APBB2: variants seen among roughly 807,000 people sequenced by gnomAD.
APBB2 encodes Fe65-like 1.
A neutral mutation model predicts 82.5 loss-of-function variants in APBB2; 38 were observed. The observed-to-expected ratio is 0.46, with a 90% CI of 0.36 to 0.60. The LOEUF is 0.60. Among genes scored for constraint, APBB2 ranks in the 20% least tolerant of loss-of-function variants. The pLI, the probability that APBB2 is intolerant of heterozygous loss-of-function variation, is 0.00. For missense variants in APBB2, 772 were observed against 972.3 expected (o/e 0.79, Z 2.74); for synonymous variants, 341 against 368.2 (o/e 0.93, Z 0.85).
At chr4:40,968,736 C>T (rs191685983) in intron 6 of APBB2, among the ~76,000 whole-genome samples, 48 of 152,294 alleles carry the variant, frequency 3.2e-4, no homozygotes, top group African/African-American at 1.1e-3. Flanking sequence ...CTTGTTCATT[C>T]TTCAAGGGTC....
chr4:41,160,169 G>C (rs1321894273), intron 1 of APBB2, among the ~76,000 whole-genome samples: 2 of 152,142 alleles, frequency 1.3e-5, no homozygotes, highest in Non-Finnish European at 2.9e-5. Context: ...GGGCAAGCTG[G>C]CTGTAAGGAA....
At chr4:40,932,172 C>T (rs1578535259) in intron 10 of APBB2, among the ~76,000 whole-genome samples, 1 of 152,280 alleles carries the variant, frequency 6.6e-6, no homozygotes, top group African/African-American at 2.4e-5. Context: ...GCTCCACATA[C>T]ATCACTGCCC....
intron 6 of APBB2, among the ~76,000 whole-genome samples, chr4:40,957,135 C>A (rs1005042540): frequency 6.6e-6 from 1 of 152,208 alleles, no homozygotes; most frequent in Non-Finnish European, 1.5e-5. Flanking sequence ...AAAGGCGGCG[C>A]AAAGCCGGGC....
chr4:41,049,348 G>A (rs1166481920), intron 4 of APBB2, among the ~76,000 whole-genome samples: 1 of 148,488 alleles, frequency 6.7e-6, no homozygotes, highest in Non-Finnish European at 1.5e-5. Context: ...GTCTCCGACC[G>A]GCAGCCGCCC....
At chr4:40,964,988 C>A (rs1035323612) in intron 6 of APBB2, among the ~76,000 whole-genome samples, 1 of 152,040 alleles carries the variant, frequency 6.6e-6, no homozygotes, top group East Asian at 1.9e-4. Context: ...GGCGTGGTGG[C>A]ACGTGCCTGT....
At chr4:41,136,185 C>G (rs578020888) in intron 2 of APBB2, among the ~76,000 whole-genome samples, 1 of 152,316 alleles carries the variant, frequency 6.6e-6, no homozygotes, top group South Asian at 2.1e-4. Flanking sequence ...AGAGGTTACT[C>G]TAACCCAGCC....
chr4:41,197,993 T>A, intron 1 of APBB2, among the ~76,000 whole-genome samples: 1 of 152,228 alleles, frequency 6.6e-6, no homozygotes, highest in African/African-American at 2.4e-5. Flanking sequence ...GTACTTTAAG[T>A]ATTTTAACTC....
chr4:41,013,927 T>C lies in APBB2; in HGVS notation c.491A>G (p.Tyr164Cys), dbSNP rs750159064. 1.2e-6 allele frequency: 2 copies of C among 1,614,202 alleles called. No individual in the cohort carries two copies. The highest frequency in any genetic ancestry group is 1.1e-5 in the South Asian group (1 of 91,086). The change falls in exon 6 of 18, where the codon TAC (tyrosine) becomes TGC (cysteine). Residue 164 changes from tyrosine to cysteine, a missense_variant. Tyr to Cys is a radical substitution (Grantham distance 194). Coordinates refer to ENST00000508593, the MANE Select transcript of APBB2 (RefSeq NM_004307.2). ...GGCTGAGGTTTCCAGATCTGCATAG[T>C]AATTTAGGAAGCTCTTAGTTCTCCT... ...QPRRTKSFLN[Y>C]YADLETSARE...
intron 6 of APBB2, among the ~76,000 whole-genome samples, chr4:40,968,708 TTCTA>T (rs1369584225): frequency 1.3e-5 from 2 of 152,180 alleles, no homozygotes; most frequent in Non-Finnish European, 2.9e-5. Context: ...TCTCCTGTTT[TTCTA>T]TCTGACACTA....
chr4:40,973,830 T>G (rs1796513284), intron 6 of APBB2, among the ~76,000 whole-genome samples: 1 of 151,090 alleles, frequency 6.6e-6, no homozygotes, highest in South Asian at 2.1e-4. Context: ...TTCTTCTGTG[T>G]GTGTGTCTGT....
intron 4 of APBB2, among the ~76,000 whole-genome samples, chr4:41,052,725 TAC>T (rs1231072296): frequency 6.6e-6 from 1 of 152,152 alleles, no homozygotes; most frequent in Non-Finnish European, 1.5e-5. Flanking sequence ...CTTGGGGTTA[TAC>T]AGTGTTTCTC....
At chr4:40,918,634 CTA>C (rs774440866) in intron 10 of APBB2, among the ~76,000 whole-genome samples, 1 of 152,146 alleles carries the variant, frequency 6.6e-6, no homozygotes, top group Admixed American at 6.6e-5. Flanking sequence ...TGCAAAGGAG[CTA>C]TGTTTTCCTG....
chr4:40,944,977 A>G lies in APBB2; in HGVS notation c.932T>C (p.Ile311Thr). Residue 311 changes from isoleucine to threonine, a missense_variant, in exon 7 of 18, where the codon ATC (isoleucine) becomes ACC (threonine). Ile to Thr is a moderately conservative substitution (Grantham distance 89, BLOSUM62 -1). Transcript: ENST00000508593. The part of the protein sequence containing the change: ...SDIAGTYYWH[I>T]PTGTTQWERP... Reference sequence around the variant, plus strand: ...TTCCCACTGAGTCGTTCCTGTTGGGATGTGCCAATAATAGGTCCCGGCAAT... The same window carrying G: ...TTCCCACTGAGTCGTTCCTGTTGGGGTGTGCCAATAATAGGTCCCGGCAAT... The G allele has an allele frequency of 6.4e-7, 1 of 1,562,424 alleles. No homozygotes were observed. Among genetic ancestry groups the G allele is most frequent in the Non-Finnish European group, 8.7e-7 (1 of 1,149,166 alleles).
intron 12 of APBB2, among the ~76,000 whole-genome samples, chr4:40,883,126 G>A (rs1233018591): frequency 6.6e-6 from 1 of 152,210 alleles, no homozygotes; most frequent in African/African-American, 2.4e-5. Flanking sequence ...CACTGCAGCT[G>A]TGGCATGAGA....
intron 17 of APBB2, among the ~76,000 whole-genome samples, chr4:40,819,905 G>C (rs1747215408): frequency 6.6e-6 from 1 of 152,036 alleles, no homozygotes; most frequent in South Asian, 2.1e-4. Context: ...TCGACCTCCT[G>C]GGTTTGAGCC....
intron 1 of APBB2, among the ~76,000 whole-genome samples, chr4:41,157,269 G>A (rs6816242): frequency 0.032 from 4,826 of 152,082 alleles, 250 homozygotes; most frequent in African/African-American, 0.11. Context: ...ATCTTCCCCC[G>A]ACTATTTTTC....
chr4:40,934,064 T>C (rs1315258187), intron 10 of APBB2, among the ~76,000 whole-genome samples: 1 of 152,224 alleles, frequency 6.6e-6, no homozygotes, highest in African/African-American at 2.4e-5. Flanking sequence ...CTTGCACAGA[T>C]ATGAGGCTGC....
chr4:40,857,136 C>A (rs748070), intron 12 of APBB2: 1 of 985,256 alleles, frequency 1.0e-6, no homozygotes. Context: ...CAGCCGCGCG[C>A]ACTGCCCCGG....
chr4:41,067,411 C>CAAAA (rs1170369678), intron 3 of APBB2, among the ~76,000 whole-genome samples: 9 of 107,972 alleles, frequency 8.3e-5, no homozygotes, highest in African/African-American at 3.2e-4. Context: ...AACTCCGTCT[C>CAAAA]AAAAAAAAAA....
Sources: allele counts gnomAD v4.1 joint callset (sites outside exome capture counted in the v4.1 genomes callset), GRCh38; gene constraint gnomAD v4.1.1; transcripts MANE v1.5; gene names NCBI Gene and HGNC (gene_info 2026-07-23, HGNC 2026-07-21).